Variants in RIC8B observed in about 807,000 individuals in gnomAD.
The protein encoded by RIC8B is chaperone Ric-8B.
In RIC8B, 16 loss-of-function variants were observed where a neutral mutation model predicts 57.5. That is an observed-to-expected ratio of 0.28 (90% CI 0.19 to 0.42). RIC8B has a LOEUF of 0.42. RIC8B is among the 10% of genes least tolerant of loss of function. The pLI is 1.00. For missense variants in RIC8B, 481 were observed against 677.0 expected (o/e 0.71, Z 3.21); for synonymous variants, 216 against 250.8 (o/e 0.86, Z 1.31).
At chr12:106,805,074 T>C (rs1429504257) in intron 2 of RIC8B, among the ~76,000 whole-genome samples, 3 of 152,322 alleles carry the variant, frequency 2.0e-5, no homozygotes, top group African/African-American at 4.8e-5. Flanking sequence ...AGGTGAGTTA[T>C]GGGGGATCGG....
At chr12:106,832,566 G>GAAA (rs5800719) in intron 4 of RIC8B, among the ~76,000 whole-genome samples, 10 of 143,412 alleles carry the variant, frequency 7.0e-5, no homozygotes, top group South Asian at 2.2e-4. Context: ...GACTCTGTAT[G>GAAA]AAAAAAAAAA....
chr12:106,774,992 C>T, intron 1 of RIC8B, 163 bp downstream of exon 1: 1 of 601,856 alleles, frequency 1.7e-6, no homozygotes, highest in South Asian at 2.0e-5. Flanking sequence ...CAGCCTTTTC[C>T]ATCCATGCAT....
chr12:106,860,554 A>G (rs933246383), intron 8 of RIC8B, 142 bp downstream of exon 8: 8 of 602,700 alleles, frequency 1.3e-5, no homozygotes, highest in Non-Finnish European at 2.1e-5. Context: ...AGGCAGTTTC[A>G]TAGCTAGTGC....
At chr12:106,796,557 C>A (rs1170521253) in intron 2 of RIC8B, among the ~76,000 whole-genome samples, 2 of 152,024 alleles carry the variant, frequency 1.3e-5, no homozygotes, top group Admixed American at 1.3e-4. Flanking sequence ...GAATCAAAGA[C>A]CCAAATGTAA....
At chr12:106,780,006 G>C (rs1436324789) in intron 1 of RIC8B, among the ~76,000 whole-genome samples, 1 of 151,098 alleles carries the variant, frequency 6.6e-6, no homozygotes, top group Non-Finnish European at 1.5e-5. Flanking sequence ...ACAGTGCCCA[G>C]CCCTCAGGAC....
At chr12:106,819,447 C>T (rs1232422662) in intron 3 of RIC8B, among the ~76,000 whole-genome samples, 2 of 152,034 alleles carry the variant, frequency 1.3e-5, no homozygotes, top group Non-Finnish European at 2.9e-5. Context: ...TATAAAGAGA[C>T]CTATGAAAAT....
chr12:106,830,096 T>C (rs993283084), intron 4 of RIC8B, among the ~76,000 whole-genome samples: 1 of 152,228 alleles, frequency 6.6e-6, no homozygotes, highest in Non-Finnish European at 1.5e-5. Context: ...TAGTAAGTTT[T>C]GAAATGAGTA....
intron 4 of RIC8B, among the ~76,000 whole-genome samples, chr12:106,829,105 C>T (rs1035245558): frequency 6.6e-6 from 1 of 152,228 alleles, no homozygotes; most frequent in African/African-American, 2.4e-5. Context: ...TTCATTTCCA[C>T]TAATCAACAT....
chr12:106,815,398 A>G, intron 3 of RIC8B, 94 bp downstream of exon 3: 1 of 1,355,462 alleles, frequency 7.4e-7, no homozygotes, highest in Non-Finnish European at 1.0e-6. Context: ...AAGTTGGGAA[A>G]TGGAAAAAGT....
chr12:106,843,719 CT>C (rs1949059501), intron 5 of RIC8B, 132 bp from the exon 6 acceptor site: 1 of 579,268 alleles, frequency 1.7e-6, no homozygotes. Flanking sequence ...GAGACTCCCT[CT>C]CCCAAAAAAA....
chr12:106,835,305 C>T (rs1373169877), intron 4 of RIC8B, among the ~76,000 whole-genome samples: 1 of 152,194 alleles, frequency 6.6e-6, no homozygotes, highest in Non-Finnish European at 1.5e-5. Flanking sequence ...TAAGACCCCT[C>T]CTTTAGAGGC....
chr12:106,846,025 G>A lies in RIC8B; in HGVS notation c.1161+2078G>A, dbSNP rs184533054. Reference sequence around the variant, plus strand: ...CTAACCCTAAATGTTTGAGTGCCCCGAGGCAATACTATCTTGTCTCTATCT... The same window carrying A: ...CTAACCCTAAATGTTTGAGTGCCCCAAGGCAATACTATCTTGTCTCTATCT... On this transcript the variant is annotated intron_variant, in intron 6 of 9. Coordinates refer to ENST00000392837, the MANE Select transcript of RIC8B (RefSeq NM_001330145.2). Among the ~76,000 whole-genome samples, 20 of 152,124 alleles carry A rather than the reference G, an allele frequency of 1.3e-4. No homozygotes were observed. The East Asian group carries it at 2.9e-3, about 22-fold the overall frequency.
chr12:106,885,882 T>C (rs775019297), intron 9 of RIC8B, 22 bp from the exon 10 acceptor site: 5 of 1,508,040 alleles, frequency 3.3e-6, no homozygotes, highest in Non-Finnish European at 4.6e-6. Flanking sequence ...TTTTTTTCTC[T>C]CTCTTTTATC....
chr12:106,837,957 G>A (rs762578369), intron 4 of RIC8B, among the ~76,000 whole-genome samples: 7 of 151,908 alleles, frequency 4.6e-5, no homozygotes, highest in South Asian at 2.1e-4. Context: ...CGTTCTTTTC[G>A]TTGCCTGAAT....
intron 2 of RIC8B, among the ~76,000 whole-genome samples, chr12:106,796,807 C>T (rs1381122646): frequency 6.6e-6 from 1 of 152,164 alleles, no homozygotes; most frequent in African/African-American, 2.4e-5. Context: ...TGATAAAAGA[C>T]GTGTATCTAG....
intron 3 of RIC8B, among the ~76,000 whole-genome samples, chr12:106,824,390 C>T (rs1276610992): frequency 1.3e-5 from 2 of 152,022 alleles, no homozygotes; most frequent in African/African-American, 4.8e-5. Context: ...CCACTGAGGC[C>T]CTCTTCTCAT....
intron 9 of RIC8B, among the ~76,000 whole-genome samples, chr12:106,878,071 G>A (rs1950747047): frequency 6.6e-6 from 1 of 152,110 alleles, no homozygotes; most frequent in African/African-American, 2.4e-5. Context: ...AAAGCACAAT[G>A]ATGAGGGCTG....
Position 106,879,767 on chromosome 12 carries a change from C to T in RIC8B, c.1572-6137C>T, listed in dbSNP as rs1193513704. On this transcript the variant is annotated intron_variant, in intron 9 of 9. Transcript: ENST00000392837. This position sits in a 1 kb window ranked among gnomAD's most constrained non-coding sequence, Gnocchi z 4.9. ...AAGATCAAATTTCTAAATGATGTTT[C>T]GTTCCAGTTGAACATTCTTGGAGGC... The T allele has an allele frequency of 2.0e-6, 2 of 985,210 alleles. No individual in the cohort carries two copies. The highest frequency in any genetic ancestry group is 2.4e-6 in the Non-Finnish European group (2 of 829,886). 61.0% of individuals were successfully genotyped at this position (985,210 alleles called of 1,614,324 possible).
intron 4 of RIC8B, among the ~76,000 whole-genome samples, chr12:106,838,892 G>A (rs2046738851): frequency 6.6e-6 from 1 of 150,506 alleles, no homozygotes; most frequent in South Asian, 2.1e-4. Flanking sequence ...ACGAAGACAT[G>A]CAAACAGACA....
Sources: allele counts gnomAD v4.1 joint callset (sites outside exome capture counted in the v4.1 genomes callset), GRCh38; gene constraint gnomAD v4.1.1; non-coding constraint Gnocchi (gnomAD v3.1); transcripts MANE v1.5; gene names NCBI Gene and HGNC (gene_info 2026-07-23, HGNC 2026-07-21).